Variants in FAT4 observed in about 807,000 individuals in gnomAD.
FAT4 encodes the protein FAT atypical cadherin 4.
Under a neutral mutation model 303.9 loss-of-function variants are expected in FAT4, and 84 were observed. The ratio of observed to expected loss-of-function variants is 0.28; its 90% CI spans 0.23 to 0.33. The LOEUF is 0.33. FAT4 is among the 10% of genes least tolerant of loss of function. The probability of loss-of-function intolerance (pLI) is 1.00; values close to 1 mark genes in which losing one functional copy is unlikely to be tolerated. For missense variants in FAT4, 6,005 were observed against 6,146.8 expected, an observed-to-expected ratio of 0.98 and a Z score of 0.77; for synonymous variants, 2,307 against 2,298.8, an observed-to-expected ratio of 1.00 and a Z score of -0.10.
intron 2 of FAT4, among the ~76,000 whole-genome samples, chr4:125,353,685 A>C (rs1732319168): frequency 6.6e-6 from 1 of 151,688 alleles, no homozygotes; most frequent in South Asian, 2.1e-4. Context: ...CAGTGCTGGT[A>C]TTGTTGTAAG....
intron 16 of FAT4, among the ~76,000 whole-genome samples, chr4:125,485,676 C>G (rs1031679934): frequency 3.9e-5 from 6 of 152,048 alleles, no homozygotes; most frequent in Non-Finnish European, 8.8e-5. Context: ...AAGCAGTACC[C>G]TCTAAAATAA....
chr4:125,458,152 T>C (rs1726349453), intron 10 of FAT4, among the ~76,000 whole-genome samples: 1 of 152,072 alleles, frequency 6.6e-6, no homozygotes, highest in South Asian at 2.1e-4. Flanking sequence ...TCAGGTGTAG[T>C]ATTTGGAATA....
At chr4:125,342,837 C>T (rs1731850367) in intron 2 of FAT4, among the ~76,000 whole-genome samples, 2 of 151,852 alleles carry the variant, frequency 1.3e-5, no homozygotes, top group African/African-American at 4.8e-5. Context: ...TTTTTCACTA[C>T]TACTTTTATT....
chr4:125,434,532 A>G, intron 8 of FAT4, 107 bp downstream of exon 8: 2 of 932,544 alleles, frequency 2.1e-6, no homozygotes, highest in Admixed American at 2.5e-5. Flanking sequence ...ATTAACACAT[A>G]TCCTCTTCTT....
At position 125,448,588 on chromosome 4, in the gene FAT4, C is replaced by T. The variant is rs748125780; in HGVS notation, c.7578C>T (p.Ala2526=). Residue 2526 remains alanine, a synonymous_variant, in exon 10 of 18, where the codon GCC becomes GCT. Coordinates refer to ENST00000394329, the MANE Select transcript of FAT4 (RefSeq NM_001291303.3). ...ACCCACTGAGGGGAGCCATTATGGC[C>T]GCCGGACCACTAAACGGAGCTTCAG... ...HIDPLRGAIM[A]AGPLNGASEV... 3.3e-5 allele frequency: 54 copies of T among 1,613,748 alleles called. No individual in the cohort carries two copies. The highest frequency in any genetic ancestry group is 7.7e-5 in the South Asian group (7 of 91,086).
chr4:125,463,533 T>A, intron 10 of FAT4, 30 bp from the exon 11 acceptor site: 1 of 1,409,578 alleles, frequency 7.1e-7, no homozygotes, highest in Non-Finnish European at 9.8e-7. Context: ...TGTATGAGAT[T>A]TAAAAAAAAC....
rs754711855 is a variant in FAT4, at chr4:125,316,599, C to T, written c.188C>T (p.Thr63Ile). Residue 63 changes from threonine (T) to isoleucine (I), a missense_variant, in exon 2 of 18, where the codon ACC (threonine) becomes ATC (isoleucine). Coordinates refer to ENST00000394329, the MANE Select transcript of FAT4 (RefSeq NM_001291303.3). The surrounding 1 kb of genome is among the most constrained non-coding windows in gnomAD (Gnocchi z 5.7). ...CAACCTCCAGGCACTCTGGTAGGCA[C>T]CATCCAGACGCGCCCCGGCTTCACC... ...EEQPPGTLVGTIQTRPGFTYR... is the reference protein window; with the variant it reads ...EEQPPGTLVGIIQTRPGFTYR... 1.5e-5 allele frequency: 25 copies of T among 1,613,934 alleles called. No homozygotes were observed. In the African/African-American group the frequency reaches 3.2e-4, roughly 21 times the overall value.
intron 2 of FAT4, among the ~76,000 whole-genome samples, chr4:125,346,949 C>T (rs1732025225): frequency 6.6e-6 from 1 of 151,894 alleles, no homozygotes; most frequent in Admixed American, 6.6e-5. Flanking sequence ...GAAAGTGTTA[C>T]CCTCTCCTTT....
Position 125,450,893 on chromosome 4 carries a change from G to T in FAT4, c.9883G>T (p.Glu3295Ter). The change falls in exon 10 of 18, where the codon GAA becomes TAA. Residue 3295 changes from glutamate (E) to a stop codon, truncating the protein, a stop_gained. Coordinates refer to ENST00000394329, the MANE Select transcript of FAT4 (RefSeq NM_001291303.3). LOFTEE classifies it high-confidence loss of function. ...TAATATACAATTAAAAGGGACAAAT[G>T]AATATGTGCCCCGTTTTGTTTCCAA... ...TVNIQLKGTN[E>*]YVPRFVSKLY... is the part of the protein sequence containing the mutation. The T allele has an allele frequency of 6.2e-7, 1 of 1,614,134 alleles. No homozygotes were observed. The highest frequency in any genetic ancestry group is 1.3e-5 in the African/African-American group (1 of 75,056).
At chr4:125,335,324 G>A (rs1731528930) in intron 2 of FAT4, among the ~76,000 whole-genome samples, 1 of 152,084 alleles carries the variant, frequency 6.6e-6, no homozygotes, top group East Asian at 1.9e-4. Flanking sequence ...GAAAAAAAAT[G>A]TTGGTGGTAG....
chr4:125,399,897 A>G (rs541665479), intron 3 of FAT4, among the ~76,000 whole-genome samples: 1 of 152,102 alleles, frequency 6.6e-6, no homozygotes, highest in East Asian at 1.9e-4. Flanking sequence ...TAGCTTTAAA[A>G]GAGTTATCTG....
Position 125,463,685 on chromosome 4 carries a change from G to C in FAT4, c.11905+18G>C, listed in dbSNP as rs576051605. 7.4e-5 allele frequency: 109 copies of C among 1,467,502 alleles called. No individual in the cohort carries two copies. Among genetic ancestry groups the C allele is most frequent in the Middle Eastern group, 3.5e-4 (2 of 5,668 alleles). The allele number at this position is 1,467,502 out of a possible 1,614,324, so 90.9% of individuals were successfully genotyped here. Reference sequence around the variant, plus strand: ...TCCATTTGGTGAGTAAAACTTATTTGTTGATATAAAATATAAGTTTATTTT... The same window carrying C: ...TCCATTTGGTGAGTAAAACTTATTTCTTGATATAAAATATAAGTTTATTTT... On this transcript the variant is annotated intron_variant, in intron 11 of 17. Transcript: ENST00000394329.
Position 125,393,900 on chromosome 4 carries a change from CTCAG to C in FAT4, c.5176-4880_5176-4877del, listed in dbSNP as rs772787848. On this transcript the variant is annotated intron_variant, in intron 2 of 17. Transcript: ENST00000394329. The stretch of plus-strand genomic sequence containing the variant: ...GTTTTACTGCTCAGGGCTCAGGTGA[CTCAG>C]TCAAGAAAGTCATTCTTGTGAAGCT... 9.0e-6 allele frequency: 7 copies of C among 777,918 alleles called. No homozygotes were observed. The African/African-American group carries it at 1.2e-4, about 13-fold the overall frequency. The allele number at this position is 777,918 out of a possible 1,614,324, so 48.2% of individuals were successfully genotyped here. A position where few individuals can be genotyped will look rare whatever the true frequency, so the allele number is the denominator to read the frequency against.
Position 125,316,545 on chromosome 4 carries a change from C to G in FAT4, c.134C>G (p.Pro45Arg), listed in dbSNP as rs766959653. The G allele has an allele frequency of 6.2e-7, 1 of 1,614,050 alleles. No individual in the cohort carries two copies. Among genetic ancestry groups the G allele is most frequent in the East Asian group, 2.2e-5 (1 of 44,868 alleles). Residue 45 changes from proline (P) to arginine (R), a missense_variant, in exon 2 of 18, where the codon CCG (proline) becomes CGG (arginine). Coordinates refer to ENST00000394329, the MANE Select transcript of FAT4 (RefSeq NM_001291303.3). This position sits in a 1 kb window ranked among gnomAD's most constrained non-coding sequence, Gnocchi z 5.7. ...CAGGCCTGGGTCCACGGGGCCGAGC[C>G]GCGCCAGGTGTTCCAAGTGCTGGAA... Reference protein sequence around the residue: ...PGQAWVHGAEPRQVFQVLEEQ... With the variant: ...PGQAWVHGAERRQVFQVLEEQ...
At position 125,463,435 on chromosome 4, in the gene FAT4, T is replaced by C. The variant is rs147095064; in HGVS notation, c.11801-128T>C. The C allele has an allele frequency of 2.1e-3, 988 of 477,522 alleles. 9 individuals carry two copies. Among genetic ancestry groups the C allele is most frequent in the African/African-American group, 0.014 (730 of 50,412 alleles). 29.6% of individuals were successfully genotyped at this position (477,522 alleles called of 1,614,324 possible). ...ATTATTCTAATTTCCTTATGTCAAG[T>C]AAAACGTTTTTATATTTCTTTTCTC... On this transcript the variant is annotated intron_variant, in intron 10 of 17. Transcript: ENST00000394329.
intron 3 of FAT4, among the ~76,000 whole-genome samples, chr4:125,399,822 G>A (rs1243798861): frequency 2.0e-5 from 3 of 151,912 alleles, no homozygotes; most frequent in Admixed American, 2.0e-4. Flanking sequence ...AAGATACGAT[G>A]TTTTATGTTT....
rs201007539 is a variant in FAT4, at chr4:125,448,589, G to A, written c.7579G>A (p.Ala2527Thr). The A allele has an allele frequency of 3.5e-5, 56 of 1,613,766 alleles. No homozygotes were observed. The highest frequency in any genetic ancestry group is 8.8e-5 in the South Asian group (8 of 91,076). Reference protein sequence around the residue: ...IDPLRGAIMAAGPLNGASEVT... With the variant: ...IDPLRGAIMATGPLNGASEVT... ...CCCACTGAGGGGAGCCATTATGGCC[G>A]CCGGACCACTAAACGGAGCTTCAGA... Residue 2527 changes from alanine (A) to threonine (T), a missense_variant, in exon 10 of 18, where the codon GCC (alanine) becomes ACC (threonine). Physicochemically the swap from Ala to Thr is moderately conservative, Grantham distance 58. Coordinates refer to ENST00000394329, the MANE Select transcript of FAT4 (RefSeq NM_001291303.3).
Position 125,451,561 on chromosome 4 carries a change from A to T in FAT4, c.10551A>T (p.Gly3517=). ...DNGPMLTVSE[G]EVMENKRPGT... ...GGCCCATGCTGACTGTCAGTGAAGG[A>T]GAAGTCATGGAAAACAAACGGCCAG... The change falls in exon 10 of 18, where the codon GGA becomes GGT. Residue 3517 remains glycine, a synonymous_variant. Transcript: ENST00000394329. The T allele has an allele frequency of 6.2e-7, 1 of 1,614,154 alleles. No individual in the cohort carries two copies. Among genetic ancestry groups the T allele is most frequent in the Non-Finnish European group, 8.5e-7 (1 of 1,180,020 alleles).
At chr4:125,474,305 C>T (rs998131600) in intron 12 of FAT4, among the ~76,000 whole-genome samples, 3 of 151,896 alleles carry the variant, frequency 2.0e-5, no homozygotes, top group African/African-American at 7.2e-5. Context: ...TACAAGGATA[C>T]TTGCATAATA....
Sources: allele counts gnomAD v4.1 joint callset (sites outside exome capture counted in the v4.1 genomes callset), GRCh38; gene constraint gnomAD v4.1.1; non-coding constraint Gnocchi (gnomAD v3.1); transcripts MANE v1.5; gene names NCBI Gene and HGNC (gene_info 2026-07-23, HGNC 2026-07-21).